Variants in RETSAT observed in about 807,000 individuals in gnomAD.
RETSAT encodes the protein retinol saturase, also known as all-trans-retinol 13,14-reductase.
RETSAT carries 35 observed loss-of-function variants against 61.6 expected under a neutral mutation model. The observed-to-expected ratio is 0.57, with a 90% CI of 0.43 to 0.75. The LOEUF (loss-of-function observed/expected upper bound fraction) is 0.75, where lower values mean the gene tolerates loss of function less well. RETSAT is among the 30% of genes least tolerant of loss of function. RETSAT has a pLI of 0.00. For missense variants in RETSAT, 670 were observed against 759.5 expected, an observed-to-expected ratio of 0.88 and a Z score of 1.38; for synonymous variants, 277 against 310.4, an observed-to-expected ratio of 0.89 and a Z score of 1.13.
In RETSAT at chr2:85,349,705, G is replaced by A. The variant is rs1172207071; in HGVS notation, c.800-124C>T. ...ATCCGAGGAACCACATGTTCCTCAGGGTCCAAGGCAGCCAGAGGAGCCTTT... is the reference window on the plus strand; with the variant it reads ...ATCCGAGGAACCACATGTTCCTCAGAGTCCAAGGCAGCCAGAGGAGCCTTT... On this transcript the variant is annotated intron_variant, in intron 4 of 10. Transcript: ENST00000295802. 4 of 855,042 alleles carry A rather than the reference G, an allele frequency of 4.7e-6. No individual in the cohort carries two copies. In the African/African-American group the frequency reaches 6.8e-5, roughly 14 times the overall value. 53.0% of individuals were successfully genotyped at this position (855,042 alleles called of 1,614,324 possible). A position where few individuals can be genotyped will look rare whatever the true frequency, so the allele number is the denominator to read the frequency against.
chr2:85,351,605 A>G, intron 2 of RETSAT, 75 bp downstream of exon 2: 3 of 1,414,352 alleles, frequency 2.1e-6, no homozygotes, highest in Middle Eastern at 1.8e-4. Flanking sequence ...AATGCTCAGT[A>G]TCACCCCACA....
intron 4 of RETSAT, 90 bp downstream of exon 4, chr2:85,349,950 A>G: frequency 7.7e-7 from 1 of 1,303,922 alleles, no homozygotes; most frequent in Non-Finnish European, 1.1e-6. Flanking sequence ...CATATCAGTC[A>G]GCCAGGCAGG....
At chr2:85,343,911 T>C (rs914566706) in intron 9 of RETSAT, 88 bp downstream of exon 9, 7 of 1,586,350 alleles carry the variant, frequency 4.4e-6, no homozygotes, top group South Asian at 2.3e-5. Flanking sequence ...CTGGGGCTCA[T>C]GTCTTGGGGC....
intron 6 of RETSAT, among the ~76,000 whole-genome samples, chr2:85,345,041 G>A: frequency 6.6e-6 from 1 of 152,184 alleles, no homozygotes; most frequent in Non-Finnish European, 1.5e-5. Context: ...GGAGAAGGGA[G>A]GTCAGGGTCA....
chr2:85,349,333 G>A (rs373458754), intron 5 of RETSAT, 51 bp downstream of exon 5: 56 of 1,580,074 alleles, frequency 3.5e-5, no homozygotes, highest in Non-Finnish European at 4.3e-5. Context: ...CCCAGGTCTC[G>A]CCCACACCAA....
intron 5 of RETSAT, among the ~76,000 whole-genome samples, chr2:85,348,496 G>A (rs750976843): frequency 3.0e-4 from 45 of 151,480 alleles, no homozygotes; most frequent in Non-Finnish European, 5.6e-4. Flanking sequence ...GCTGGGCGTG[G>A]TGGCGGGCAC....
At chr2:85,349,964 G>A (rs546206966) in intron 4 of RETSAT, 76 bp downstream of exon 4, 275 of 1,424,714 alleles carry the variant, frequency 1.9e-4, no homozygotes, top group Non-Finnish European at 2.5e-4. Flanking sequence ...AGGCAGGGTC[G>A]AGAAGAAAGA....
At chr2:85,351,950 T>G in intron 1 of RETSAT, 88 bp from the exon 2 acceptor site, 1 of 1,282,518 alleles carries the variant, frequency 7.8e-7, no homozygotes, top group Middle Eastern at 2.3e-4. Flanking sequence ...TTCTCTAGCT[T>G]GTACAGTGCA....
chr2:85,344,069 G>T lies in RETSAT; in HGVS notation c.1463C>A (p.Thr488Asn). The change falls in exon 9 of 11, where the codon ACC becomes AAC. Residue 488 changes from threonine (T) to asparagine (N), a missense_variant. By Grantham distance (65) the Thr-to-Asn change is moderately conservative. Coordinates refer to ENST00000295802, the MANE Select transcript of RETSAT (RefSeq NM_017750.4). ...LKGKRGSDYE[T>N]FKNSFVEASM... ...GGCTTCCACAAAGGAGTTTTTGAAG[G>T]TCTCATAGTCACTGCCCCGCTTTCC... The T allele has an allele frequency of 1.2e-6, 2 of 1,613,938 alleles. No individual in the cohort carries two copies. The highest frequency in any genetic ancestry group is 8.5e-7 in the Non-Finnish European group (1 of 1,180,002).
intron 5 of RETSAT, among the ~76,000 whole-genome samples, chr2:85,347,936 A>T (rs1029871984): frequency 1.3e-5 from 2 of 152,010 alleles, no homozygotes; most frequent in Non-Finnish European, 2.9e-5. Flanking sequence ...CCCCCCACTT[A>T]TCACCTCCTT....
chr2:85,343,378 T>G lies in RETSAT; in HGVS notation c.1697A>C (p.Gln566Pro). The change falls in exon 11 of 11, where the codon CAG becomes CCG. Residue 566 changes from glutamine to proline, a missense_variant. By Grantham distance (76) the Gln-to-Pro change is moderately conservative (BLOSUM62 -1). Coordinates refer to ENST00000295802, the MANE Select transcript of RETSAT (RefSeq NM_017750.4). ...GACCAGTCCACAGGTGAAGATATCC[T>G]GGCCTAGGAGGCAAGAGCAGAGGCC... ...SPIPNLYLTG[Q>P]DIFTCGLVGA... is the part of the protein sequence containing the mutation. The G allele has an allele frequency of 2.5e-6, 4 of 1,612,324 alleles. No individual in the cohort carries two copies. The highest frequency in any genetic ancestry group is 3.4e-6 in the Non-Finnish European group (4 of 1,178,940).
chr2:85,349,311 T>A, intron 5 of RETSAT, 73 bp downstream of exon 5: 1 of 1,459,796 alleles, frequency 6.9e-7, no homozygotes, highest in Non-Finnish European at 9.6e-7. Flanking sequence ...CTCCTTCTGG[T>A]CTCAGGGAGA....
chr2:85,352,244 T>C (rs2104440043), intron 1 of RETSAT, among the ~76,000 whole-genome samples: 1 of 151,460 alleles, frequency 6.6e-6, no homozygotes, highest in East Asian at 2.0e-4. Context: ...TTTATTTTTA[T>C]GTGTTTAATT....
rs1683150329 is a variant in RETSAT at position 85,344,316 on chromosome 2, T to TCG, written c.1288_1289insCG (p.Glu430AlafsTer32). The TCG allele has an allele frequency of 6.2e-7, 1 of 1,613,916 alleles. No individual in the cohort carries two copies. Among genetic ancestry groups the TCG allele is most frequent in the African/African-American group, 1.3e-5 (1 of 74,878 alleles). On this transcript the variant is annotated frameshift_variant, in exon 8 of 11. Coordinates refer to ENST00000295802, the MANE Select transcript of RETSAT (RefSeq NM_017750.4). LOFTEE classifies it high-confidence loss of function. Reference sequence around the variant, plus strand: ...GAGAAGAGGGATGTGTTCCGCAGCCTCTTCCCTGGGCATGGAGACGTAGCG... The same window carrying TCG: ...GAGAAGAGGGATGTGTTCCGCAGCCTCGCTTCCCTGGGCATGGAGACGTAGCG...
intron 5 of RETSAT, among the ~76,000 whole-genome samples, chr2:85,348,885 G>A (rs1261949344): frequency 6.6e-6 from 1 of 151,394 alleles, no homozygotes; most frequent in Admixed American, 6.6e-5. Flanking sequence ...CAAGTAGCTG[G>A]GACTATAGGT....
chr2:85,349,332 C>T (rs1358396578), intron 5 of RETSAT, 52 bp downstream of exon 5: 3 of 1,584,306 alleles, frequency 1.9e-6, no homozygotes, highest in African/African-American at 2.7e-5. Flanking sequence ...CCCCAGGTCT[C>T]GCCCACACCA....
intron 5 of RETSAT, among the ~76,000 whole-genome samples, chr2:85,348,121 G>GT (rs1683231179): frequency 6.6e-6 from 1 of 152,124 alleles, no homozygotes; most frequent in Admixed American, 6.6e-5. Flanking sequence ...CTGGGATTCT[G>GT]AGTCCCTATG....
At position 85,342,047 on chromosome 2, in the gene RETSAT, C is replaced by A; in HGVS notation, c.*1195G>T. 2.3e-6 allele frequency: 1 copy of A among 426,822 alleles called. No homozygotes were observed. Among genetic ancestry groups the A allele is most frequent in the Non-Finnish European group, 4.1e-6 (1 of 241,310 alleles). The allele number at this position is 426,822 out of a possible 1,614,324, so 26.4% of individuals were successfully genotyped here. A position where few individuals can be genotyped will look rare whatever the true frequency, so the allele number is the denominator to read the frequency against. On this transcript the variant is annotated 3_prime_UTR_variant, in exon 11 of 11. Coordinates refer to ENST00000295802, the MANE Select transcript of RETSAT (RefSeq NM_017750.4). The stretch of plus-strand genomic sequence containing the variant: ...TACTGAGCTTCTGCAAATGCCATCA[C>A]AATAATAGTTTTGTTTTCTTGAACA...
chr2:85,345,930 A>T, intron 6 of RETSAT, 45 bp downstream of exon 6: 1 of 1,613,720 alleles, frequency 6.2e-7, no homozygotes, highest in Non-Finnish European at 8.5e-7. Context: ...AGAAGGGGAC[A>T]CATTGGGGAA....
Sources: allele counts gnomAD v4.1 joint callset (sites outside exome capture counted in the v4.1 genomes callset), GRCh38; gene constraint gnomAD v4.1.1; transcripts MANE v1.5; gene names NCBI Gene and HGNC (gene_info 2026-07-23, HGNC 2026-07-21).